LAMC3: variants seen among roughly 807,000 people sequenced by gnomAD.
LAMC3 encodes the protein laminin subunit gamma-3.
In LAMC3, 128 loss-of-function variants were observed where a neutral mutation model predicts 173.8. The observed-to-expected ratio is 0.74, with a 90% CI of 0.64 to 0.85. The LOEUF (loss-of-function observed/expected upper bound fraction) is 0.85. LAMC3 is among the 40% of genes least tolerant of loss of function. The pLI, the probability that LAMC3 is intolerant of heterozygous loss-of-function variation, is 0.00. For synonymous variants in LAMC3, 897 were observed against 909.1 expected (o/e 0.99, Z 0.24); for missense variants, 2,022 against 2,156.0 (o/e 0.94, Z 1.23).
In LAMC3 at chr9:131,079,219, A is replaced by G. The variant is rs1317788138; in HGVS notation, c.3848A>G (p.Gln1283Arg). 9 of 1,614,036 alleles carry G rather than the reference A, an allele frequency of 5.6e-6. No individual in the cohort carries two copies. In the Admixed American group the frequency reaches 1.3e-4, roughly 24 times the overall value. ...KALEKTVASW[Q>R]HMATEAARTL... is the part of the protein sequence containing the mutation. ...CTGGAGAAGACAGTTGCATCATGGC[A>G]GCACATGGCCACTGAGGCTGCCCGA... Residue 1283 changes from glutamine (Q) to arginine (R), a missense_variant, in exon 23 of 28, where the codon CAG becomes CGG. Physicochemically the swap from Gln to Arg is conservative, Grantham distance 43 (BLOSUM62 1). Coordinates refer to ENST00000361069, the MANE Select transcript of LAMC3 (RefSeq NM_006059.4).
At chr9:131,023,138 A>G (rs1833657386) in intron 1 of LAMC3, among the ~76,000 whole-genome samples, 1 of 152,108 alleles carries the variant, frequency 6.6e-6, no homozygotes, top group Admixed American at 6.6e-5. Context: ...ATATTCCATC[A>G]TATGATATAT....
intron 8 of LAMC3, 42 bp downstream of exon 8, chr9:131,045,702 C>A: frequency 1.2e-6 from 2 of 1,610,308 alleles, no homozygotes. Flanking sequence ...GGGTCTGCTC[C>A]CAGCCTAGGC....
In LAMC3 at chr9:131,087,518, C is replaced by G; in HGVS notation, c.4273C>G (p.Arg1425Gly). The G allele has an allele frequency of 1.2e-6, 2 of 1,613,820 alleles. No individual in the cohort carries two copies. Among genetic ancestry groups the G allele is most frequent in the Non-Finnish European group, 1.7e-6 (2 of 1,180,022 alleles). Residue 1425 changes from arginine to glycine, a missense_variant, in exon 26 of 28, where the codon CGT (arginine) becomes GGT (glycine). Physicochemically the swap from Arg to Gly is moderately radical, Grantham distance 125 (BLOSUM62 -2). Transcript: ENST00000361069. ...GAGGGAGCGGAAACAGGCGCACCGCCGTGCCAGCAGGCTCACCAGCCAGAC... is the reference window on the plus strand; with the variant it reads ...GAGGGAGCGGAAACAGGCGCACCGCGGTGCCAGCAGGCTCACCAGCCAGAC... ...LLRERKQAHR[R>G]ASRLTSQTQA...
In LAMC3 at chr9:131,009,308, C is replaced by G. The variant is rs1833359698; in HGVS notation, c.94C>G (p.Pro32Ala). Residue 32 changes from proline to alanine, a missense_variant, in exon 1 of 28, where the codon CCG becomes GCG. Coordinates refer to ENST00000361069, the MANE Select transcript of LAMC3 (RefSeq NM_006059.4). The surrounding 1 kb of genome is among the most constrained non-coding windows in gnomAD (Gnocchi z 4.3). ...CGCGTGCTATGACGGCGCAGGGCGC[C>G]CGCAGCGCTGCCTGCCGGTGTTCGA... ...MGACYDGAGR[P>A]QRCLPVFENA... is the part of the protein sequence containing the mutation. 6.9e-7 allele frequency: 1 copy of G among 1,452,242 alleles called. No homozygotes were observed. Among genetic ancestry groups the G allele is most frequent in the African/African-American group, 1.5e-5 (1 of 67,276 alleles). 90.0% of individuals were successfully genotyped at this position (1,452,242 alleles called of 1,614,324 possible).
At chr9:131,056,260 C>T (rs1393572834) in intron 11 of LAMC3, among the ~76,000 whole-genome samples, 1 of 152,050 alleles carries the variant, frequency 6.6e-6, no homozygotes, top group Admixed American at 6.6e-5. Context: ...TAAACTTTGC[C>T]TAAATGTAGC....
chr9:131,014,429 G>A (rs979876078), intron 1 of LAMC3, among the ~76,000 whole-genome samples: 2 of 152,222 alleles, frequency 1.3e-5, no homozygotes, highest in Non-Finnish European at 2.9e-5. Flanking sequence ...TGCCTCCTCT[G>A]GAAAACCCCT....
At position 131,087,710 on chromosome 9, in the gene LAMC3, C is replaced by G. The variant is rs573976746; in HGVS notation, c.4378-8C>G. ...ATTCAAGCTGTTTCTTCCTCCTCCC[C>G]CTGAAAGGTGGGTGCTGGGCTGAGC... On this transcript the variant is annotated splice_polypyrimidine_tract_variant and splice_region_variant and intron_variant, in intron 26 of 27. Transcript: ENST00000361069. 100 of 1,613,994 alleles carry G rather than the reference C, an allele frequency of 6.2e-5. 2 individuals are homozygous for G. In the South Asian group the frequency reaches 9.9e-4, roughly 16 times the overall value.
intron 6 of LAMC3, among the ~76,000 whole-genome samples, chr9:131,041,300 G>C (rs1288409508): frequency 1.3e-5 from 2 of 149,878 alleles, no homozygotes; most frequent in East Asian, 3.9e-4. Flanking sequence ...CCAGGAGGCA[G>C]AGGTTGCAGT....
Position 131,077,352 on chromosome 9 carries a change from A to G in LAMC3, c.3777+18A>G. ...GAGCTCTGGTCAGCTCAGTTGTCTC[A>G]GAGCTCCGTGTGGGGTCGGGAGGAT... On this transcript the variant is annotated intron_variant, in intron 22 of 27. Coordinates refer to ENST00000361069, the MANE Select transcript of LAMC3 (RefSeq NM_006059.4). 4 of 1,613,052 alleles carry G rather than the reference A, an allele frequency of 2.5e-6. No individual in the cohort carries two copies. Among genetic ancestry groups the G allele is most frequent in the Non-Finnish European group, 3.4e-6 (4 of 1,179,836 alleles).
chr9:131,034,799 C>G (rs1010858497), intron 3 of LAMC3, among the ~76,000 whole-genome samples: 4 of 152,182 alleles, frequency 2.6e-5, no homozygotes, highest in Admixed American at 6.5e-5. Flanking sequence ...CCGAGCATGC[C>G]GCGGGCTCCC....
chr9:131,020,433 A>G (rs1833605688), intron 1 of LAMC3, among the ~76,000 whole-genome samples: 1 of 152,210 alleles, frequency 6.6e-6, no homozygotes, highest in Non-Finnish European at 1.5e-5. Flanking sequence ...CCATCTTGGC[A>G]CTAAGTCTAA....
chr9:131,073,255 A>G lies in LAMC3; in HGVS notation c.3428A>G (p.Gln1143Arg), dbSNP rs1193411664. ...CTCTTCTTTCTACAGGAGATTCCTC[A>G]GGAAGGTCCCAGTCAGCCGACCAAA... ...AAILASLEIP[Q>R]EGPSQPTKWS... Residue 1143 changes from glutamine to arginine, a missense_variant, in exon 20 of 28, where the codon CAG becomes CGG. Gln to Arg is a conservative substitution (Grantham distance 43). Coordinates refer to ENST00000361069, the MANE Select transcript of LAMC3 (RefSeq NM_006059.4). The G allele has an allele frequency of 1.9e-6, 3 of 1,613,158 alleles. No homozygotes were observed. Among genetic ancestry groups the G allele is most frequent in the African/African-American group, 1.3e-5 (1 of 75,050 alleles).
chr9:131,041,885 C>T (rs2133261252), intron 7 of LAMC3, 150 bp downstream of exon 7: 1 of 711,802 alleles, frequency 1.4e-6, no homozygotes. Context: ...CCTGGGGCAC[C>T]ATGTATCTGT....
intron 15 of LAMC3, 91 bp downstream of exon 15, chr9:131,068,322 G>A (rs1829977732): frequency 1.4e-6 from 2 of 1,386,244 alleles, no homozygotes; most frequent in African/African-American, 2.8e-5. Flanking sequence ...TGGTTTGGAA[G>A]GTGTTGTCCT....
In LAMC3 at chr9:131,057,078, CA is replaced by C. The variant is rs1834422689; in HGVS notation, c.2090del (p.Gln697ArgfsTer187). The C allele has an allele frequency of 1.9e-6, 3 of 1,614,194 alleles. No individual in the cohort carries two copies. Among genetic ancestry groups the C allele is most frequent in the Non-Finnish European group, 2.5e-6 (3 of 1,180,030 alleles). ...TCCGGGATACAAGAGGGAGATGCCA[CA>C]GGGGGGTCCCTATGCCAGCTGTGTC... is the stretch of plus-strand genomic sequence containing the variant. ...CAPGYKREMP[Q>X]GGPYASCVPC... On this transcript the variant is annotated frameshift_variant, in exon 12 of 28. Transcript: ENST00000361069. LOFTEE classifies it high-confidence loss of function.
chr9:131,069,685 C>T lies in LAMC3; in HGVS notation c.2904C>T (p.Ser968=), dbSNP rs1174292819. 1.9e-6 allele frequency: 3 copies of T among 1,583,816 alleles called. No individual in the cohort carries two copies. In the South Asian group the frequency reaches 3.4e-5, roughly 18 times the overall value. The change falls in exon 17 of 28, where the codon TCC becomes TCT. Residue 968 remains serine, a synonymous_variant. Coordinates refer to ENST00000361069, the MANE Select transcript of LAMC3 (RefSeq NM_006059.4). ...SIKGCRACRC[S]PLGAASAQCH... is the part of the protein sequence containing the mutation. The stretch of plus-strand genomic sequence containing the variant: ...TGGCCCCTCTAGCCTGCAGGTGCTC[C>T]CCACTGGGCGCTGCCTCGGCCCAGT...
At chr9:131,072,268 T>C (rs1830048875) in intron 18 of LAMC3, among the ~76,000 whole-genome samples, 1 of 152,202 alleles carries the variant, frequency 6.6e-6, no homozygotes, top group Non-Finnish European at 1.5e-5. Flanking sequence ...TTAGCAGGAC[T>C]CACTGTGGAA....
Position 131,039,260 on chromosome 9 carries a change from G to C in LAMC3, c.1283+12G>C. ...GAGGGAGGCTGCAGGTGAGGGCGAG[G>C]GGCGGCCCAGTATGGACACATTGCA... On this transcript the variant is annotated intron_variant, in intron 6 of 27. Transcript: ENST00000361069. The C allele has an allele frequency of 6.3e-7, 1 of 1,596,256 alleles. No homozygotes were observed. Among genetic ancestry groups the C allele is most frequent in the Non-Finnish European group, 8.5e-7 (1 of 1,175,008 alleles).
At position 131,061,238 on chromosome 9, in the gene LAMC3, C is replaced by T. The variant is rs1829813088; in HGVS notation, c.2347+15C>T. ...GGGCCAGAGAGGTAAGTGACTCCTG[C>T]CCCGGAGCCCTGCCCCGCAGAGGGC... On this transcript the variant is annotated intron_variant, in intron 13 of 27. Coordinates refer to ENST00000361069, the MANE Select transcript of LAMC3 (RefSeq NM_006059.4). The T allele has an allele frequency of 1.3e-6, 2 of 1,594,966 alleles. No individual in the cohort carries two copies. The highest frequency in any genetic ancestry group is 1.3e-5 in the African/African-American group (1 of 74,866).
Sources: allele counts gnomAD v4.1 joint callset (sites outside exome capture counted in the v4.1 genomes callset), GRCh38; gene constraint gnomAD v4.1.1; non-coding constraint Gnocchi (gnomAD v3.1); transcripts MANE v1.5; gene names NCBI Gene and HGNC (gene_info 2026-07-23, HGNC 2026-07-21).